The following BCL9 variants were observed in gnomAD, a reference collection of about 807,000 sequenced individuals.
BCL9 encodes the protein BCL9 transcription coactivator.
A neutral mutation model predicts 88.5 loss-of-function variants in BCL9; 25 were observed. The observed-to-expected ratio is 0.28, with a 90% CI of 0.21 to 0.39. The LOEUF is 0.39. Ranked by LOEUF, BCL9 falls within the 10% of genes least tolerant of loss-of-function variation. BCL9 has a pLI of 1.00. For synonymous variants in BCL9, 711 were observed against 673.3 expected, an observed-to-expected ratio of 1.06 and a Z score of -0.87; for missense variants, 1,817 against 1,877.8, an observed-to-expected ratio of 0.97 and a Z score of 0.60.
At chr1:147,573,437 G>A (rs1395019772) in intron 1 of BCL9, among the ~76,000 whole-genome samples, 1 of 151,018 alleles carries the variant, frequency 6.6e-6, no homozygotes, top group Non-Finnish European at 1.5e-5. Context: ...TGGGCAACAG[G>A]AGTGAAACTC....
At chr1:147,610,278 A>G (rs889232480) in intron 3 of BCL9, among the ~76,000 whole-genome samples, 12 of 152,096 alleles carry the variant, frequency 7.9e-5, no homozygotes, top group African/African-American at 2.9e-4. Context: ...TCAGCATAGA[A>G]ACATTCATAA....
At position 147,611,768 on chromosome 1, in the gene BCL9, T is replaced by G. The variant is rs1658014092; in HGVS notation, c.-69T>G. 1 of 1,502,978 alleles carries G rather than the reference T, an allele frequency of 6.7e-7. No individual in the cohort carries two copies. Among genetic ancestry groups the G allele is most frequent in the Admixed American group, 1.7e-5 (1 of 59,774 alleles). 93.1% of individuals were successfully genotyped at this position (1,502,978 alleles called of 1,614,324 possible). A position where few individuals can be genotyped will look rare whatever the true frequency, so the allele number is the denominator to read the frequency against. On this transcript the variant is annotated 5_prime_UTR_variant, in exon 4 of 10. Coordinates refer to ENST00000234739, the MANE Select transcript of BCL9 (RefSeq NM_004326.4). ...AGTGCCACTGCCCCCAGCAGCTGTT[T>G]CTGCTGCAACCCGAGAGGAACTCGG...
At chr1:147,616,642 C>G (rs1658301070) in intron 7 of BCL9, among the ~76,000 whole-genome samples, 1 of 152,116 alleles carries the variant, frequency 6.6e-6, no homozygotes, top group Non-Finnish European at 1.5e-5. Flanking sequence ...TGGCGGGTGC[C>G]TGTAGTCCAA....
chr1:147,600,729 G>A (rs1553201148), intron 1 of BCL9, among the ~76,000 whole-genome samples: 1 of 152,032 alleles, frequency 6.6e-6, no homozygotes, highest in Non-Finnish European at 1.5e-5. Flanking sequence ...GATGAGGTCT[G>A]TAAGACCCCT....
intron 1 of BCL9, among the ~76,000 whole-genome samples, chr1:147,583,347 G>A (rs931256539): frequency 1.1e-4 from 17 of 151,760 alleles, no homozygotes; most frequent in Non-Finnish European, 2.1e-4. Context: ...GTGCAATCTC[G>A]GCTTATTGCA....
chr1:147,542,124 C>T (rs1654356631), intron 1 of BCL9, among the ~76,000 whole-genome samples: 2 of 152,180 alleles, frequency 1.3e-5, no homozygotes, highest in Admixed American at 6.5e-5. Flanking sequence ...GAGATTGCAT[C>T]GAGCTTTGTG....
chr1:147,572,244 A>AAAAAACAAAAAC (rs373024773), intron 1 of BCL9, among the ~76,000 whole-genome samples: 1 of 152,170 alleles, frequency 6.6e-6, no homozygotes. Context: ...CTCCGTCTCA[A>AAAAAACAAAAAC]AAAAACAAAA....
intron 1 of BCL9, among the ~76,000 whole-genome samples, chr1:147,591,462 A>G (rs1160904276): frequency 6.6e-6 from 1 of 152,214 alleles, no homozygotes; most frequent in African/African-American, 2.4e-5. Flanking sequence ...CTTGTTAAGT[A>G]TCTGGCTCCT....
At chr1:147,557,833 C>T (rs1352169216) in intron 1 of BCL9, among the ~76,000 whole-genome samples, 6 of 152,116 alleles carry the variant, frequency 3.9e-5, no homozygotes, top group Non-Finnish European at 7.3e-5. Flanking sequence ...TATTTAGAAC[C>T]TCCCTGTTCC....
intron 1 of BCL9, among the ~76,000 whole-genome samples, chr1:147,586,118 A>G (rs587642721): frequency 2.0e-5 from 3 of 152,120 alleles, no homozygotes; most frequent in African/African-American, 7.2e-5. Flanking sequence ...AACTCACCTT[A>G]TTAACTCTGC....
In BCL9 at chr1:147,611,948, T is replaced by A. The variant is rs147770735; in HGVS notation, c.53+59T>A. The A allele has an allele frequency of 1.2e-5, 18 of 1,492,646 alleles. No homozygotes were observed. In the East Asian group the frequency reaches 4.1e-4, roughly 34 times the overall value. The allele number at this position is 1,492,646 out of a possible 1,614,324, so 92.5% of individuals were successfully genotyped here. On this transcript the variant is annotated intron_variant, in intron 4 of 9. Transcript: ENST00000234739. Reference sequence around the variant, plus strand: ...CCTTGGGGATGCCATAGGCACATCATGAACACTCATTGGTGAAACAGTATG... The same window carrying A: ...CCTTGGGGATGCCATAGGCACATCAAGAACACTCATTGGTGAAACAGTATG...
chr1:147,612,439 G>A (rs1419054121), intron 4 of BCL9, among the ~76,000 whole-genome samples: 6 of 152,148 alleles, frequency 3.9e-5, no homozygotes, highest in South Asian at 2.1e-4. Flanking sequence ...ACCAGCTCCC[G>A]TGCTCTTTGG....
At position 147,613,030 on chromosome 1, in the gene BCL9, G is replaced by C; in HGVS notation, c.201G>C (p.Lys67Asn). ...SQSQPSPCDS[K>N]SGGHTPKALP... ...CCCAGCCATCCCCCTGTGACTCCAAGAGTGGGGGCCATACCCCTAAAGCAC... is the reference window on the plus strand; with the variant it reads ...CCCAGCCATCCCCCTGTGACTCCAACAGTGGGGGCCATACCCCTAAAGCAC... The change falls in exon 5 of 10, where the codon AAG becomes AAC. Residue 67 changes from lysine (K) to asparagine (N), a missense_variant. Coordinates refer to ENST00000234739, the MANE Select transcript of BCL9 (RefSeq NM_004326.4). The C allele has an allele frequency of 1.2e-6, 2 of 1,607,132 alleles. No individual in the cohort carries two copies. The highest frequency in any genetic ancestry group is 1.7e-6 in the Non-Finnish European group (2 of 1,176,132).
chr1:147,618,939 G>T lies in BCL9; in HGVS notation c.784G>T (p.Ala262Ser). Residue 262 changes from alanine to serine, a missense_variant, in exon 8 of 10, where the codon GCA becomes TCA. This residue lies in a region of BCL9 where 1,228 missense variants were observed against 1,191.6 expected (regional missense o/e 1.03). Transcript: ENST00000234739. Reference sequence around the variant, plus strand: ...ACTGCAGCCAACTCCACCCATTCCGGCACCAGCACCCAAGCCTGCCGCACC... The same window carrying T: ...ACTGCAGCCAACTCCACCCATTCCGTCACCAGCACCCAAGCCTGCCGCACC... The part of the protein sequence containing the change: ...TRLQPTPPIP[A>S]PAPKPAAPPR... 1 of 1,613,848 alleles carries T rather than the reference G, an allele frequency of 6.2e-7. No homozygotes were observed. Among genetic ancestry groups the T allele is most frequent in the Non-Finnish European group, 8.5e-7 (1 of 1,179,886 alleles).
In BCL9 at chr1:147,619,513, A is replaced by T; in HGVS notation, c.1358A>T (p.Gln453Leu). The T allele has an allele frequency of 1.2e-6, 2 of 1,614,114 alleles. No homozygotes were observed. Among genetic ancestry groups the T allele is most frequent in the Non-Finnish European group, 1.7e-6 (2 of 1,180,014 alleles). Reference sequence around the variant, plus strand: ...ATGGTTCCACCTTCTATGAACTCCCAGTCTGGGACCATAGGACCCGACCAC... The same window carrying T: ...ATGGTTCCACCTTCTATGAACTCCCTGTCTGGGACCATAGGACCCGACCAC... Reference protein sequence around the residue: ...DEMVPPSMNSQSGTIGPDHLD... With the variant: ...DEMVPPSMNSLSGTIGPDHLD... The change falls in exon 8 of 10, where the codon CAG (glutamine) becomes CTG (leucine). Residue 453 changes from glutamine (Q) to leucine (L), a missense_variant. By Grantham distance (113) the Gln-to-Leu change is moderately radical (BLOSUM62 -2). Transcript: ENST00000234739. The surrounding 1 kb of genome is among the most constrained non-coding windows in gnomAD (Gnocchi z 4.1).
intron 1 of BCL9, among the ~76,000 whole-genome samples, chr1:147,585,383 A>T (rs1479725004): frequency 1.3e-5 from 2 of 152,164 alleles, no homozygotes; most frequent in Non-Finnish European, 2.9e-5. Flanking sequence ...CAGGGGTGTG[A>T]CATGTGACAA....
intron 7 of BCL9, among the ~76,000 whole-genome samples, chr1:147,617,041 A>G (rs1234414678): frequency 1.3e-5 from 2 of 152,230 alleles, no homozygotes; most frequent in Non-Finnish European, 2.9e-5. Flanking sequence ...GTGTATCAGA[A>G]AAGTCTCCAT....
intron 1 of BCL9, among the ~76,000 whole-genome samples, chr1:147,599,181 C>A (rs376090523): frequency 4.6e-5 from 7 of 152,330 alleles, no homozygotes; most frequent in African/African-American, 1.7e-4. Context: ...GCACCCCCGG[C>A]GCATCAGCGG....
rs587670434 is a variant in BCL9 at position 147,594,438 on chromosome 1, G to C, written c.-477-10339G>C. Among the ~76,000 whole-genome samples the C allele has an allele frequency of 2.5e-3, 382 of 152,288 alleles. 3 individuals carry two copies. The highest frequency in any genetic ancestry group is 1.1e-3 in the Non-Finnish European group (77 of 68,018). The stretch of plus-strand genomic sequence containing the variant: ...CTTAATCTTGACAGATGGTGAGTTT[G>C]CTTTTTGATATGTTAAGTCACTTTA... On this transcript the variant is annotated intron_variant, in intron 1 of 9. Coordinates refer to ENST00000234739, the MANE Select transcript of BCL9 (RefSeq NM_004326.4).
Sources: gnomAD v4.1 joint callset for allele counts (sites outside exome capture counted in the v4.1 genomes callset) on GRCh38, gnomAD v4.1.1 for gene constraint, gnomAD v4.1.1 regional missense constraint, Gnocchi (gnomAD v3.1) non-coding constraint, MANE v1.5 for transcripts, NCBI Gene and HGNC (gene_info 2026-07-23, HGNC 2026-07-21) for gene names.